The following CDC42BPB variants were observed in gnomAD, a reference collection of about 807,000 sequenced individuals.
CDC42BPB encodes serine/threonine-protein kinase MRCK beta.
In CDC42BPB, 37 loss-of-function variants were observed where a neutral mutation model predicts 214.9. The ratio of observed to expected loss-of-function variants is 0.17; its 90% confidence interval spans 0.13 to 0.23. CDC42BPB has a LOEUF of 0.23. Among genes scored for constraint, CDC42BPB ranks in the 10% least tolerant of loss-of-function variants. The pLI, the probability that CDC42BPB is intolerant of heterozygous loss-of-function variation, is 1.00. For missense variants in CDC42BPB, 1,694 were observed against 2,227.0 expected (o/e 0.76, Z 4.82); for synonymous variants, 931 against 884.0 (o/e 1.05, Z -0.94).
In CDC42BPB at chr14:102,946,644, G is replaced by A. The variant is rs1291023466; in HGVS notation, c.3572C>T (p.Ser1191Leu). 9.3e-6 allele frequency: 15 copies of A among 1,612,724 alleles called. No homozygotes were observed. The highest frequency in any genetic ancestry group is 1.7e-4 in the Middle Eastern group (1 of 6,060). Reference sequence around the variant, plus strand: ...CTCATTTTCTGTCAGAATGAGCAGCGAGCTGGTCTTAGAAGGTGCACCTAA... The same window carrying A: ...CTCATTTTCTGTCAGAATGAGCAGCAAGCTGGTCTTAGAAGGTGCACCTAA... ...SLLGAPSKTS[S>L]LLILTENENE... The change falls in exon 28 of 37, where the codon TCG becomes TTG. Residue 1191 changes from serine (S) to leucine (L), a missense_variant. Coordinates refer to ENST00000361246, the MANE Select transcript of CDC42BPB (RefSeq NM_006035.4).
chr14:102,939,513 A>T, intron 34 of CDC42BPB, 97 bp downstream of exon 34: 1 of 857,434 alleles, frequency 1.2e-6, no homozygotes, highest in Non-Finnish European at 1.9e-6. Context: ...CCAGCCTCGC[A>T]GGCACTGCCT....
At chr14:102,937,542 C>T (rs1204009748) in intron 36 of CDC42BPB, among the ~76,000 whole-genome samples, 1 of 152,216 alleles carries the variant, frequency 6.6e-6, no homozygotes, top group African/African-American at 2.4e-5. Flanking sequence ...GGGGGCTAAG[C>T]CCTCAGCTCA....
At position 102,943,979 on chromosome 14, in the gene CDC42BPB, G is replaced by A. The variant is rs1303214621; in HGVS notation, c.4320C>T (p.Cys1440=). 1.2e-6 allele frequency: 2 copies of A among 1,613,084 alleles called. No individual in the cohort carries two copies. Among genetic ancestry groups the A allele is most frequent in the Non-Finnish European group, 1.7e-6 (2 of 1,180,010 alleles). The change falls in exon 30 of 37, where the codon TGC becomes TGT. Residue 1440 remains cysteine (C), a synonymous_variant. Transcript: ENST00000361246. This position sits in a 1 kb window ranked among gnomAD's most constrained non-coding sequence, Gnocchi z 4.6. ...CCACGTACAGTCCCATGTGGCTGAA[G>A]CAAAGCAGGTACTCCTCGCTTTCGA... ...VELESEEYLL[C]FSHMGLYVDP...
rs150406302 is a variant in CDC42BPB, at chr14:102,997,176, G to C, written c.596+2389C>G. Among the ~76,000 whole-genome samples the C allele has an allele frequency of 2.4e-4, 37 of 152,270 alleles. 1 individual carries two copies. In the East Asian group the frequency reaches 7.1e-3, roughly 29 times the overall value. ...GGCCCGAGCACAGGCCTACAGCTCA[G>C]AACACAAAGCCATGGAGACCACAAT... On this transcript the variant is annotated intron_variant, in intron 5 of 36. Coordinates refer to ENST00000361246, the MANE Select transcript of CDC42BPB (RefSeq NM_006035.4).
At chr14:103,024,917 T>C (rs879801165) in intron 1 of CDC42BPB, among the ~76,000 whole-genome samples, 1 of 152,200 alleles carries the variant, frequency 6.6e-6, no homozygotes, top group East Asian at 1.9e-4. Flanking sequence ...TATTTGTCTT[T>C]ACTCCCCACA....
In CDC42BPB at chr14:102,959,174, G is replaced by C. The variant is rs1892845362; in HGVS notation, c.2901+457C>G. ...TAGCCGGGCGTGGTGGTGGGTGCCT[G>C]TAGTCCCAGCTACTTGGGAGGCTGA... On this transcript the variant is annotated intron_variant, in intron 21 of 36. Transcript: ENST00000361246. Among the ~76,000 whole-genome samples the C allele has an allele frequency of 2.0e-5, 3 of 151,808 alleles. No individual in the cohort carries two copies. The South Asian group carries it at 6.2e-4, about 32-fold the overall frequency.
At position 102,986,261 on chromosome 14, in the gene CDC42BPB, C is replaced by T. The variant is rs1209299029; in HGVS notation, c.690+226G>A. ...CTGACAACTCCCATTCTGGAAGGCA[C>T]ACATATTACTTTTGTAAACATAAAA... is the stretch of plus-strand genomic sequence containing the variant. On this transcript the variant is annotated intron_variant, in intron 6 of 36. Transcript: ENST00000361246. 5 of 452,880 alleles carry T rather than the reference C, an allele frequency of 1.1e-5. No individual in the cohort carries two copies. In the East Asian group the frequency reaches 2.0e-4, roughly 18 times the overall value. The allele number at this position is 452,880 out of a possible 1,614,324, so 28.1% of individuals were successfully genotyped here. A position where few individuals can be genotyped will look rare whatever the true frequency, so the allele number is the denominator to read the frequency against.
In CDC42BPB at chr14:102,933,708, G is replaced by A. The variant is rs1427405147; in HGVS notation, c.*4C>T. On this transcript the variant is annotated 3_prime_UTR_variant, in exon 37 of 37. Coordinates refer to ENST00000361246, the MANE Select transcript of CDC42BPB (RefSeq NM_006035.4). ...TCCCTGGCCCCTGTGGCGAGCTGGC[G>A]GCTTCAGGTGTCACAGGCCGGCTGC... 29 of 1,462,182 alleles carry A rather than the reference G, an allele frequency of 2.0e-5. No individual in the cohort carries two copies. In the Middle Eastern group the frequency reaches 5.4e-4, roughly 27 times the overall value. The allele number at this position is 1,462,182 out of a possible 1,614,324, so 90.6% of individuals were successfully genotyped here.
intron 5 of CDC42BPB, among the ~76,000 whole-genome samples, chr14:102,987,952 C>T (rs1003730512): frequency 2.6e-5 from 4 of 151,618 alleles, no homozygotes; most frequent in East Asian, 3.9e-4. Flanking sequence ...CCAGCCTGGG[C>T]GACAGAGCAA....
At chr14:103,007,054 G>A (rs1037351907) in intron 3 of CDC42BPB, among the ~76,000 whole-genome samples, 3 of 152,208 alleles carry the variant, frequency 2.0e-5, no homozygotes, top group Non-Finnish European at 4.4e-5. Flanking sequence ...ACAGTGAGAT[G>A]ACTGAGTGAA....
chr14:102,936,001 A>C (rs1891632822), intron 36 of CDC42BPB, among the ~76,000 whole-genome samples: 1 of 152,212 alleles, frequency 6.6e-6, no homozygotes, highest in African/African-American at 2.4e-5. Flanking sequence ...GCATATGAAA[A>C]GATGCTAAAC....
chr14:103,021,246 G>C (rs1190003296), intron 1 of CDC42BPB, among the ~76,000 whole-genome samples: 1 of 152,192 alleles, frequency 6.6e-6, no homozygotes, highest in Non-Finnish European at 1.5e-5. Context: ...GGATCACGAG[G>C]TCAGGAGATC....
Position 103,001,998 on chromosome 14 carries a change from G to A in CDC42BPB, c.447+1930C>T, listed in dbSNP as rs1213576959. Among the ~76,000 whole-genome samples, 5 of 152,220 alleles carry A rather than the reference G, an allele frequency of 3.3e-5. No homozygotes were observed. Among genetic ancestry groups the A allele is most frequent in the African/African-American group, 1.2e-4 (5 of 41,450 alleles). The stretch of plus-strand genomic sequence containing the variant: ...CCTAGTCTGTCCTGTCACAGAACGC[G>A]GGGTGCTGAGTTAAGCCAGTAAGTT... On this transcript the variant is annotated intron_variant, in intron 4 of 36. Transcript: ENST00000361246. The surrounding 1 kb of genome is among the most constrained non-coding windows in gnomAD (Gnocchi z 5.8).
intron 21 of CDC42BPB, among the ~76,000 whole-genome samples, chr14:102,955,030 G>A (rs1452672623): frequency 6.6e-6 from 1 of 152,196 alleles, no homozygotes; most frequent in Non-Finnish European, 1.5e-5. Context: ...CCCTCCTGCA[G>A]CCTCCTTGCC....
intron 1 of CDC42BPB, among the ~76,000 whole-genome samples, chr14:103,032,398 T>C (rs1887432428): frequency 6.6e-6 from 1 of 152,092 alleles, no homozygotes; most frequent in Admixed American, 6.6e-5. Flanking sequence ...ATAGTTTATT[T>C]CCCACAAAAT....
chr14:102,970,486 CACTT>C (rs1193722575), intron 13 of CDC42BPB: 16 of 497,924 alleles, frequency 3.2e-5, no homozygotes, highest in Non-Finnish European at 4.2e-5. Flanking sequence ...CTTAAATTGA[CACTT>C]AAATTTCAAG....
At chr14:102,978,058 T>C in intron 9 of CDC42BPB, 68 bp downstream of exon 9, 1 of 1,217,472 alleles carries the variant, frequency 8.2e-7, no homozygotes, top group Non-Finnish European at 1.2e-6. Flanking sequence ...AGGGACAGAC[T>C]GTGGTGTCTG....
chr14:102,960,319 C>T (rs1462189316), intron 20 of CDC42BPB, among the ~76,000 whole-genome samples: 1 of 151,912 alleles, frequency 6.6e-6, no homozygotes, highest in African/African-American at 2.4e-5. Context: ...ACTAAGGCCT[C>T]TACAATAAGA....
At chr14:103,054,542 A>G (rs982408479) in intron 1 of CDC42BPB, among the ~76,000 whole-genome samples, 1 of 152,242 alleles carries the variant, frequency 6.6e-6, no homozygotes, top group Non-Finnish European at 1.5e-5. Flanking sequence ...CAATCGAAAC[A>G]ACCAGGCAAT....
Sources: allele counts gnomAD v4.1 joint callset (sites outside exome capture counted in the v4.1 genomes callset), GRCh38; gene constraint gnomAD v4.1.1; non-coding constraint Gnocchi (gnomAD v3.1); transcripts MANE v1.5; gene names NCBI Gene and HGNC (gene_info 2026-07-23, HGNC 2026-07-21).